The following CDH13 variants were observed in gnomAD, a reference collection of about 807,000 sequenced individuals.
CDH13 encodes cadherin 13, also known as cadherin-13.
A neutral mutation model predicts 63.8 loss-of-function variants in CDH13; 24 were observed. The ratio of observed to expected loss-of-function variants is 0.38; its 90% confidence interval spans 0.27 to 0.53. The LOEUF (loss-of-function observed/expected upper bound fraction) is 0.53, where lower values mean the gene tolerates loss of function less well. Ranked by LOEUF, CDH13 falls within the 20% of genes least tolerant of loss-of-function variation. CDH13 has a pLI of 0.85. For missense variants in CDH13, 1,049 were observed against 903.1 expected (o/e 1.16, Z -2.07); for synonymous variants, 503 against 355.3 (o/e 1.42, Z -4.67).
chr16:83,002,736 A>C (rs1299734608), intron 2 of CDH13, among the ~76,000 whole-genome samples: 1 of 152,138 alleles, frequency 6.6e-6, no homozygotes, highest in African/African-American at 2.4e-5. Flanking sequence ...GCGTTCAGAG[A>C]CTGGGAGGAG....
chr16:82,748,952 T>A (rs542006916), intron 1 of CDH13, among the ~76,000 whole-genome samples: 1 of 152,328 alleles, frequency 6.6e-6, no homozygotes, highest in African/African-American at 2.4e-5. Flanking sequence ...CAGCGATTGA[T>A]CTAGACACAT....
intron 5 of CDH13, among the ~76,000 whole-genome samples, chr16:83,248,792 T>G (rs1478922499): frequency 1.3e-5 from 2 of 152,170 alleles, no homozygotes; most frequent in East Asian, 3.9e-4. Context: ...GCTTCACCCA[T>G]CACTTTCTGC....
At chr16:83,211,405 A>T (rs543482225) in intron 4 of CDH13, among the ~76,000 whole-genome samples, 53 of 152,310 alleles carry the variant, frequency 3.5e-4, no homozygotes, top group African/African-American at 1.3e-3. Context: ...ACAAACCTCA[A>T]CCTCAACCAC....
At chr16:82,837,035 T>C (rs898866721) in intron 1 of CDH13, among the ~76,000 whole-genome samples, 3 of 152,208 alleles carry the variant, frequency 2.0e-5, no homozygotes, top group Non-Finnish European at 4.4e-5. Context: ...CATCTCATGA[T>C]AAAATAGATT....
intron 4 of CDH13, among the ~76,000 whole-genome samples, chr16:83,149,871 A>G (rs1186908524): frequency 6.6e-6 from 1 of 152,206 alleles, no homozygotes; most frequent in African/African-American, 2.4e-5. Flanking sequence ...AGAAACAAAC[A>G]AATATTACAA....
rs372257765 is a variant in CDH13, at chr16:82,681,582, C to T, written c.45+54445C>T. On this transcript the variant is annotated intron_variant, in intron 1 of 13. Transcript: ENST00000567109. ...CCTCTTACTCATTTTCTGAGCTAGT[C>T]ACCAAAACGTATCTGACACTTTCTT... Among the ~76,000 whole-genome samples, 21 of 152,370 alleles carry T rather than the reference C, an allele frequency of 1.4e-4. No individual in the cohort carries two copies. The East Asian group carries it at 2.3e-3, about 17-fold the overall frequency.
At chr16:83,195,538 G>T (rs1257194153) in intron 4 of CDH13, among the ~76,000 whole-genome samples, 3 of 151,988 alleles carry the variant, frequency 2.0e-5, no homozygotes, top group Non-Finnish European at 4.4e-5. Context: ...CAAACAACCA[G>T]ATCTCCTGAG....
At chr16:83,378,750 A>G (rs1309583916) in intron 6 of CDH13, among the ~76,000 whole-genome samples, 1 of 152,162 alleles carries the variant, frequency 6.6e-6, no homozygotes, top group Non-Finnish European at 1.5e-5. Flanking sequence ...AATGCTGTAG[A>G]TAATTCCCAG....
At chr16:83,360,071 G>T (rs2091133515) in intron 6 of CDH13, among the ~76,000 whole-genome samples, 1 of 152,166 alleles carries the variant, frequency 6.6e-6, no homozygotes, top group South Asian at 2.1e-4. Context: ...TTAGCGTGTT[G>T]TTCAGGTTTC....
chr16:83,560,755 C>T (rs1351183614), intron 7 of CDH13, among the ~76,000 whole-genome samples: 1 of 152,226 alleles, frequency 6.6e-6, no homozygotes, highest in African/African-American at 2.4e-5. Flanking sequence ...TACTAAGTCT[C>T]TCCAAGTTTC....
intron 11 of CDH13, among the ~76,000 whole-genome samples, chr16:83,758,766 A>T (rs1004974888): frequency 4.6e-5 from 7 of 152,250 alleles, no homozygotes; most frequent in Non-Finnish European, 1.0e-4. Context: ...ATTCTAAAAG[A>T]TACTGTTTGC....
At chr16:82,859,512 C>T (rs939904264) in intron 2 of CDH13, 2 of 151,398 alleles carry the variant, frequency 1.3e-5, no homozygotes, top group African/African-American at 4.9e-5. Flanking sequence ...GAGCCGAGAT[C>T]ATACCATTGC....
chr16:83,676,158 G>A (rs984945200), intron 9 of CDH13, among the ~76,000 whole-genome samples: 3 of 152,206 alleles, frequency 2.0e-5, no homozygotes, highest in Non-Finnish European at 4.4e-5. Context: ...GAGCTGAGCG[G>A]CACAAATTGG....
intron 5 of CDH13, among the ~76,000 whole-genome samples, chr16:83,326,932 C>A (rs1239822081): frequency 1.3e-5 from 2 of 152,092 alleles, no homozygotes; most frequent in African/African-American, 4.8e-5. Context: ...TGTGTTAAGT[C>A]CAGAAGAAAC....
At chr16:83,056,625 G>T (rs1026896427) in intron 3 of CDH13, among the ~76,000 whole-genome samples, 5 of 152,156 alleles carry the variant, frequency 3.3e-5, no homozygotes, top group African/African-American at 1.2e-4. Flanking sequence ...ATGGTGATGT[G>T]AACTAATCTA....
intron 4 of CDH13, among the ~76,000 whole-genome samples, chr16:83,139,290 A>C (rs58629669): frequency 6.6e-6 from 1 of 152,204 alleles, no homozygotes; most frequent in African/African-American, 2.4e-5. Context: ...TGACTCATCC[A>C]TGCCTAGGGA....
At chr16:83,234,432 G>A (rs1002834825) in intron 5 of CDH13, among the ~76,000 whole-genome samples, 1 of 152,170 alleles carries the variant, frequency 6.6e-6, no homozygotes, top group African/African-American at 2.4e-5. Context: ...GGAGAGGATA[G>A]GTGATTAGAT....
intron 11 of CDH13, among the ~76,000 whole-genome samples, chr16:83,753,097 G>A (rs1018974010): frequency 7.9e-5 from 12 of 152,104 alleles, no homozygotes; most frequent in South Asian, 2.1e-4. Context: ...TAATAATCTC[G>A]AACAAGACCC....
intron 1 of CDH13, among the ~76,000 whole-genome samples, chr16:82,679,608 C>G (rs1306299400): frequency 6.6e-6 from 1 of 152,172 alleles, no homozygotes; most frequent in African/African-American, 2.4e-5. Context: ...TCAGACTCCC[C>G]TGGTTTTGGA....
Sources: allele counts gnomAD v4.1 joint callset (sites outside exome capture counted in the v4.1 genomes callset), GRCh38; gene constraint gnomAD v4.1.1; transcripts MANE v1.5; gene names NCBI Gene and HGNC (gene_info 2026-07-23, HGNC 2026-07-21).